The following PRKG1 variants were observed in gnomAD, a reference collection of about 807,000 sequenced individuals.
The protein encoded by PRKG1 is protein kinase cGMP-dependent 1.
In PRKG1, 35 loss-of-function variants were observed where a neutral mutation model predicts 88.1. The ratio of observed to expected loss-of-function variants is 0.40; its 90% CI spans 0.30 to 0.53. The LOEUF is 0.53. Among genes scored for constraint, PRKG1 ranks in the 20% least tolerant of loss-of-function variants. The probability of loss-of-function intolerance (pLI) is 0.59; values close to 1 mark genes in which losing one functional copy is unlikely to be tolerated. For missense variants in PRKG1, 540 were observed against 839.8 expected, an observed-to-expected ratio of 0.64 and a Z score of 4.41; for synonymous variants, 303 against 292.5, an observed-to-expected ratio of 1.04 and a Z score of -0.37.
intron 7 of PRKG1, among the ~76,000 whole-genome samples, chr10:52,073,630 A>G (rs1461058186): frequency 6.6e-6 from 1 of 152,152 alleles, no homozygotes; most frequent in African/African-American, 2.4e-5. Context: ...TCCAAATGAG[A>G]TATTAGAACC....
intron 14 of PRKG1, among the ~76,000 whole-genome samples, chr10:52,285,592 T>C (rs1842100996): frequency 6.6e-6 from 1 of 152,084 alleles, no homozygotes; most frequent in Non-Finnish European, 1.5e-5. Context: ...TTTCCATTTA[T>C]GTCAGCTGAA....
At chr10:51,863,535 C>A (rs1246407425) in intron 4 of PRKG1, among the ~76,000 whole-genome samples, 1 of 152,098 alleles carries the variant, frequency 6.6e-6, no homozygotes, top group African/African-American at 2.4e-5. Context: ...TGTGTCCCCC[C>A]AAAAGCAGAT....
At chr10:52,286,413 A>G (rs1252344619) in intron 14 of PRKG1, among the ~76,000 whole-genome samples, 1 of 152,106 alleles carries the variant, frequency 6.6e-6, no homozygotes, top group East Asian at 1.9e-4. Context: ...AAACACTACT[A>G]TTCAATCAAG....
intron 2 of PRKG1, among the ~76,000 whole-genome samples, chr10:51,408,154 C>T (rs1039070754): frequency 4.6e-5 from 7 of 152,136 alleles, no homozygotes; most frequent in African/African-American, 1.7e-4. Flanking sequence ...ATGGGAGAAA[C>T]AGTACCATAT....
chr10:51,280,104 A>G (rs1489952767), intron 2 of PRKG1, among the ~76,000 whole-genome samples: 1 of 152,158 alleles, frequency 6.6e-6, no homozygotes, highest in Non-Finnish European at 1.5e-5. Context: ...GCTTGTCTGT[A>G]AAGGATTTTA....
intron 4 of PRKG1, among the ~76,000 whole-genome samples, chr10:51,847,808 C>A (rs1309931949): frequency 8.6e-6 from 1 of 116,768 alleles, no homozygotes; most frequent in Admixed American, 1.2e-4. Flanking sequence ...TTGAGGCCAG[C>A]CTGGGCAACA....
At chr10:51,867,111 A>T (rs143294660) in intron 4 of PRKG1, among the ~76,000 whole-genome samples, 155 of 152,290 alleles carry the variant, frequency 1.0e-3, no homozygotes, top group African/African-American at 3.7e-3. Context: ...AAGTAGCCTA[A>T]AAGGTACAGA....
intron 3 of PRKG1, among the ~76,000 whole-genome samples, chr10:51,488,755 C>T (rs1281662903): frequency 1.3e-5 from 2 of 152,114 alleles, no homozygotes; most frequent in African/African-American, 4.8e-5. Flanking sequence ...CTGGGAGCCC[C>T]GCAGAGGGCT....
At chr10:51,076,170 T>C (rs1033415026) in intron 1 of PRKG1, among the ~76,000 whole-genome samples, 2 of 152,246 alleles carry the variant, frequency 1.3e-5, no homozygotes, top group African/African-American at 4.8e-5. Flanking sequence ...GAGTTATACC[T>C]ATACATGTTG....
intron 5 of PRKG1, among the ~76,000 whole-genome samples, chr10:51,955,683 C>T (rs1165281251): frequency 6.6e-6 from 1 of 152,048 alleles, no homozygotes; most frequent in Non-Finnish European, 1.5e-5. Context: ...ATCTTTTCTG[C>T]ATTATTCATG....
upstream of PRKG1, among the ~76,000 whole-genome samples, chr10:51,070,712 A>C (rs1843814461): frequency 6.6e-6 from 1 of 152,202 alleles, no homozygotes; most frequent in Non-Finnish European, 1.5e-5. Flanking sequence ...GATTCTGAGA[A>C]TCCATTAAGG....
At chr10:51,191,423 A>G (rs74133521) in intron 2 of PRKG1, among the ~76,000 whole-genome samples, 8,056 of 151,940 alleles carry the variant, frequency 0.053, 399 homozygotes, top group African/African-American at 0.13. Flanking sequence ...GTGGTGAAGA[A>G]TAAATGCGTG....
chr10:51,198,094 G>A (rs1320527105), intron 2 of PRKG1, among the ~76,000 whole-genome samples: 1 of 151,758 alleles, frequency 6.6e-6, no homozygotes, highest in African/African-American at 2.4e-5. Flanking sequence ...TGATTCCCTG[G>A]TCATCAAAAA....
intron 2 of PRKG1, among the ~76,000 whole-genome samples, chr10:51,374,958 T>G (rs1363978877): frequency 6.6e-6 from 1 of 152,154 alleles, no homozygotes; most frequent in African/African-American, 2.4e-5. Context: ...GGCAGTTTAC[T>G]TCATCAAAGT....
At chr10:52,158,271 CACA>C (rs1038752115) in intron 8 of PRKG1, among the ~76,000 whole-genome samples, 3 of 151,570 alleles carry the variant, frequency 2.0e-5, no homozygotes, top group African/African-American at 7.3e-5. Flanking sequence ...CTGGAGTTTT[CACA>C]ACATCTCATT....
intron 5 of PRKG1, among the ~76,000 whole-genome samples, chr10:52,051,997 A>G (rs1845998747): frequency 1.3e-5 from 2 of 152,130 alleles, no homozygotes; most frequent in South Asian, 4.1e-4. Flanking sequence ...GCTTGTCCCA[A>G]AGCTACAACT....
intron 1 of PRKG1, among the ~76,000 whole-genome samples, chr10:51,042,528 G>T (rs1437509589): frequency 1.3e-5 from 2 of 152,106 alleles, no homozygotes; most frequent in East Asian, 1.9e-4. Flanking sequence ...TTCCAAGTTT[G>T]GTTTTTAAAT....
At chr10:51,873,197 G>A (rs1011454969) in intron 4 of PRKG1, among the ~76,000 whole-genome samples, 1 of 152,046 alleles carries the variant, frequency 6.6e-6, no homozygotes, top group African/African-American at 2.4e-5. Flanking sequence ...GATTTGTGAT[G>A]TTACAGGATT....
intron 3 of PRKG1, among the ~76,000 whole-genome samples, chr10:51,663,411 A>T (rs547896206): frequency 4.0e-4 from 61 of 152,036 alleles, no homozygotes; most frequent in Non-Finnish European, 6.0e-4. Context: ...GCTGTTTAGA[A>T]AACAATTTTC....
Sources: gnomAD v4.1 joint callset for allele counts (sites outside exome capture counted in the v4.1 genomes callset) on GRCh38, gnomAD v4.1.1 for gene constraint, MANE v1.5 for transcripts, NCBI Gene and HGNC (gene_info 2026-07-23, HGNC 2026-07-21) for gene names.